The following MICAL2 variants were observed in gnomAD, a reference collection of about 807,000 sequenced individuals.
MICAL2 encodes the protein microtubule associated monooxygenase, calponin and LIM domain containing 2, also known as [F-actin]-monooxygenase MICAL2.
Under a neutral mutation model 127.3 loss-of-function variants are expected in MICAL2, and 77 were observed. The observed-to-expected ratio is 0.60, with a 90% CI of 0.50 to 0.73. The LOEUF (loss-of-function observed/expected upper bound fraction) is 0.73. Ranked by LOEUF, MICAL2 falls within the 30% of genes least tolerant of loss-of-function variation. MICAL2 has a pLI of 0.00. For synonymous variants in MICAL2, 570 were observed against 551.1 expected (o/e 1.03, Z -0.48); for missense variants, 1,351 against 1,434.4 (o/e 0.94, Z 0.94).
intron 24 of MICAL2, among the ~76,000 whole-genome samples, chr11:12,269,924 G>A (rs139505186): frequency 2.6e-5 from 4 of 152,332 alleles, no homozygotes; most frequent in South Asian, 2.1e-4. Flanking sequence ...AGAGGCCGAA[G>A]ATTGCCCATC....
At chr11:12,260,175 T>A (rs1307842013) in intron 26 of MICAL2, 2 of 1,498,254 alleles carry the variant, frequency 1.3e-6, no homozygotes, top group Non-Finnish European at 1.8e-6. Flanking sequence ...TCCGCTGACA[T>A]GGCTGGCTGC....
At chr11:12,218,342 G>C (rs1335938724) in intron 8 of MICAL2, among the ~76,000 whole-genome samples, 5 of 152,116 alleles carry the variant, frequency 3.3e-5, no homozygotes, top group Admixed American at 3.3e-4. Flanking sequence ...TGCTCCCTAT[G>C]GTTTTGCTCC....
chr11:12,357,907 A>G lies in MICAL2; in HGVS notation c.5690-388A>G, dbSNP rs145211893. On this transcript the variant is annotated intron_variant, in intron 34 of 34. Coordinates refer to the MICAL2 transcript ENST00000646065. Reference sequence around the variant, plus strand: ...AGCCACTGGTGCAGGTGGTTTACTTAGAAACTTCTCACAGATTTCTTTGCT... The same window carrying G: ...AGCCACTGGTGCAGGTGGTTTACTTGGAAACTTCTCACAGATTTCTTTGCT... Among the ~76,000 whole-genome samples, 310 of 152,310 alleles carry G rather than the reference A, an allele frequency of 2.0e-3. 2 individuals are homozygous for G. The highest frequency in any genetic ancestry group is 7.3e-3 in the African/African-American group (302 of 41,576).
intron 1 of MICAL2, among the ~76,000 whole-genome samples, chr11:12,127,248 C>T (rs17384316): frequency 0.03 from 4,502 of 152,252 alleles, 85 homozygotes; most frequent in Non-Finnish European, 0.045. Flanking sequence ...CCTCCTGGAG[C>T]CATTCTTTCA....
chr11:12,338,533 C>T (rs574096591), intron 32 of MICAL2, among the ~76,000 whole-genome samples: 157 of 152,266 alleles, frequency 1.0e-3, no homozygotes, highest in African/African-American at 3.5e-3. Context: ...TTAGTTGATG[C>T]GGTTTCTTCC....
chr11:12,350,226 C>G (rs1255327440), intron 33 of MICAL2, among the ~76,000 whole-genome samples: 1 of 152,196 alleles, frequency 6.6e-6, no homozygotes, highest in Non-Finnish European at 1.5e-5. Flanking sequence ...TCCCTGTTCC[C>G]TGGGTCCATC....
chr11:12,350,317 T>G (rs959853618), intron 33 of MICAL2, among the ~76,000 whole-genome samples: 5 of 152,142 alleles, frequency 3.3e-5, no homozygotes, highest in Non-Finnish European at 7.3e-5. Flanking sequence ...CTCAGTGACA[T>G]ACCCCTGACC....
rs1391950522 is a variant in MICAL2 at position 12,110,885 on chromosome 11, A to G, written c.-149+159A>G. 6.6e-6 allele frequency among the ~76,000 whole-genome samples: 1 copy of G among 152,086 alleles called. No individual in the cohort carries two copies. Among genetic ancestry groups the G allele is most frequent in the Non-Finnish European group, 1.5e-5 (1 of 67,976 alleles). On this transcript the variant is annotated intron_variant, in intron 1 of 27. Coordinates refer to ENST00000683283, the MANE Select transcript of MICAL2 (RefSeq NM_001282663.2). This position sits in a 1 kb window ranked among gnomAD's most constrained non-coding sequence, Gnocchi z 4.5. ...CTCAAACCCACCCGGCGGGGCGCACAGTGAGCAGGTGGCGCTGCGACGAAG... is the reference window on the plus strand; with the variant it reads ...CTCAAACCCACCCGGCGGGGCGCACGGTGAGCAGGTGGCGCTGCGACGAAG...
In MICAL2 at chr11:12,113,557, G is replaced by A. The variant is rs751439354; in HGVS notation, c.-149+2831G>A. On this transcript the variant is annotated intron_variant, in intron 1 of 27. Coordinates refer to ENST00000683283, the MANE Select transcript of MICAL2 (RefSeq NM_001282663.2). ...TGCTGCGCAGTCATCTCCCTTATCC[G>A]CGGTTTCACCTTTCGAGGTTTCGGT... Among the ~76,000 whole-genome samples, 9 of 152,206 alleles carry A rather than the reference G, an allele frequency of 5.9e-5. No homozygotes were observed. The South Asian group carries it at 6.2e-4, about 11-fold the overall frequency.
At position 12,220,352 on chromosome 11, in the gene MICAL2, C is replaced by CG. The variant is rs1204444852; in HGVS notation, c.1100_1101insG (p.Met368HisfsTer3). 6.2e-7 allele frequency: 1 copy of CG among 1,614,210 alleles called. No individual in the cohort carries two copies. Among genetic ancestry groups the CG allele is most frequent in the South Asian group, 1.1e-5 (1 of 91,082 alleles). ...AACCACTATGGGCAGCCTGATGTGG[C>CG]CATGTTTGACTTTACCTGCATGTAT... is the stretch of plus-strand genomic sequence containing the variant. On this transcript the variant is annotated frameshift_variant, in exon 9 of 28. Transcript: ENST00000683283. LOFTEE classifies it high-confidence loss of function.
intron 14 of MICAL2, among the ~76,000 whole-genome samples, chr11:12,226,651 G>GGTT (rs397978478): frequency 1.1e-4 from 14 of 126,354 alleles, no homozygotes; most frequent in African/African-American, 3.3e-4. Context: ...TTTGTTTTTG[G>GGTT]TTTTTTTTTT....
At chr11:12,234,804 G>A (rs868006497) in intron 15 of MICAL2, among the ~76,000 whole-genome samples, 6 of 152,170 alleles carry the variant, frequency 3.9e-5, no homozygotes, top group Admixed American at 1.3e-4. Context: ...TGGGGCACCC[G>A]TAGCTAGGGT....
intron 3 of MICAL2, among the ~76,000 whole-genome samples, chr11:12,202,175 T>C (rs1854107546): frequency 6.6e-6 from 1 of 152,176 alleles, no homozygotes; most frequent in Non-Finnish European, 1.5e-5. Flanking sequence ...TCATCTCTTT[T>C]CTCTCCTTCC....
chr11:12,279,239 G>A (rs1428862512), intron 1 of MICAL2, among the ~76,000 whole-genome samples: 1 of 152,188 alleles, frequency 6.6e-6, no homozygotes. Flanking sequence ...AGTCGGATAT[G>A]TATAGAGAAA....
At chr11:12,247,889 T>G (rs1347004385) in intron 21 of MICAL2, among the ~76,000 whole-genome samples, 1 of 152,188 alleles carries the variant, frequency 6.6e-6, no homozygotes, top group Non-Finnish European at 1.5e-5. Context: ...TTTTGCTCAA[T>G]GGACCCAAGT....
chr11:12,237,364 C>T (rs1046994109), intron 16 of MICAL2, among the ~76,000 whole-genome samples: 1 of 152,142 alleles, frequency 6.6e-6, no homozygotes, highest in Non-Finnish European at 1.5e-5. Flanking sequence ...AAGCAAGAAG[C>T]CAGCAAATAG....
chr11:12,289,483 G>A (rs1344473116), downstream of MICAL2, among the ~76,000 whole-genome samples: 1 of 152,058 alleles, frequency 6.6e-6, no homozygotes, highest in Non-Finnish European at 1.5e-5. Context: ...GTGAGAGGGT[G>A]GGAAACTAAT....
chr11:12,262,074 CTG>C, intron 26 of MICAL2: 1 of 1,083,746 alleles, frequency 9.2e-7, no homozygotes, highest in Non-Finnish European at 1.1e-6. Context: ...CAGGGCGTGC[CTG>C]TCAGAAATCT....
chr11:12,178,560 A>G (rs1376451307), intron 3 of MICAL2, among the ~76,000 whole-genome samples: 3 of 152,104 alleles, frequency 2.0e-5, no homozygotes, highest in African/African-American at 7.2e-5. Context: ...TTGCCTGAAG[A>G]GTTTAAGTTG....
Sources: allele counts gnomAD v4.1 joint callset (sites outside exome capture counted in the v4.1 genomes callset), GRCh38; gene constraint gnomAD v4.1.1; non-coding constraint Gnocchi (gnomAD v3.1); transcripts MANE v1.5; gene names NCBI Gene and HGNC (gene_info 2026-07-23, HGNC 2026-07-21).